PHACTR1: variants seen among roughly 807,000 people sequenced by gnomAD.
PHACTR1 encodes the protein RPEL repeat containing 1.
A neutral mutation model predicts 69.2 loss-of-function variants in PHACTR1; 16 were observed. That is an observed-to-expected ratio of 0.23 (90% CI 0.16 to 0.35). The LOEUF is 0.35. Among genes scored for constraint, PHACTR1 ranks in the 10% least tolerant of loss-of-function variants. The pLI is 1.00. For missense variants in PHACTR1, 510 were observed against 734.7 expected, an observed-to-expected ratio of 0.69 and a Z score of 3.54; for synonymous variants, 312 against 284.5, an observed-to-expected ratio of 1.10 and a Z score of -0.97.
At chr6:12,765,897 A>G (rs1374357019) in intron 4 of PHACTR1, among the ~76,000 whole-genome samples, 1 of 152,244 alleles carries the variant, frequency 6.6e-6, no homozygotes, top group Non-Finnish European at 1.5e-5. Context: ...TTTAACATGC[A>G]ATTCTTGCAA....
At chr6:13,241,492 G>A (rs892660620) in intron 10 of PHACTR1, among the ~76,000 whole-genome samples, 3 of 152,126 alleles carry the variant, frequency 2.0e-5, no homozygotes, top group African/African-American at 7.2e-5. Flanking sequence ...AGAAGCAATG[G>A]GCTAGTAAGA....
At chr6:12,814,481 G>T (rs1054108062) in intron 4 of PHACTR1, among the ~76,000 whole-genome samples, 3 of 152,186 alleles carry the variant, frequency 2.0e-5, no homozygotes, top group Admixed American at 6.5e-5. Context: ...TCTGGAAAGC[G>T]CACTGAATTG....
chr6:12,831,059 A>G (rs758846699), intron 4 of PHACTR1, among the ~76,000 whole-genome samples: 3 of 152,192 alleles, frequency 2.0e-5, no homozygotes, highest in Admixed American at 6.5e-5. Context: ...CCAGAAACCT[A>G]CAACATACAA....
In PHACTR1 at chr6:13,132,943, T is replaced by C. The variant is rs1266720210; in HGVS notation, c.416-27261T>C. Among the ~76,000 whole-genome samples the C allele has an allele frequency of 5.9e-5, 9 of 152,292 alleles. 1 individual carries two copies. The East Asian group carries it at 1.7e-3, about 29-fold the overall frequency. ...TGAACGATTTTTTGGCACTATGTGA[T>C]GCTGTTTGATAGCATTTTACCCACA... On this transcript the variant is annotated intron_variant, in intron 5 of 14. Transcript: ENST00000332995.
At chr6:12,816,904 C>G (rs1177994407) in intron 4 of PHACTR1, among the ~76,000 whole-genome samples, 1 of 151,802 alleles carries the variant, frequency 6.6e-6, no homozygotes. Flanking sequence ...GGTCTAGCCA[C>G]AAAGAAAGGA....
chr6:13,016,151 G>A (rs573688129), intron 4 of PHACTR1, among the ~76,000 whole-genome samples: 5 of 152,300 alleles, frequency 3.3e-5, no homozygotes, highest in Admixed American at 2.0e-4. Context: ...CTCTGGAAGC[G>A]ATTTGCAATT....
At chr6:13,273,251 G>A (rs557147004) in intron 11 of PHACTR1, 2 of 269,328 alleles carry the variant, frequency 7.4e-6, no homozygotes, top group Non-Finnish European at 1.4e-5. Context: ...ACCAGAATTG[G>A]CTTGAAAATG....
In PHACTR1 at chr6:13,179,488, T is replaced by C. The variant is rs1018252088; in HGVS notation, c.497-3031T>C. Among the ~76,000 whole-genome samples the C allele has an allele frequency of 4.6e-5, 7 of 151,492 alleles. No homozygotes were observed. The East Asian group carries it at 1.2e-3, about 25-fold the overall frequency. ...AAAAATTTAAAATATTACTTAAAAG[T>C]GGCAGTATTACTCCATCCTTAAATG... On this transcript the variant is annotated intron_variant, in intron 6 of 14. Transcript: ENST00000332995. The surrounding 1 kb of genome is among the most constrained non-coding windows in gnomAD (Gnocchi z 4.2).
At chr6:13,096,816 G>C (rs1248019131) in intron 5 of PHACTR1, among the ~76,000 whole-genome samples, 11 of 152,322 alleles carry the variant, frequency 7.2e-5, no homozygotes, top group Non-Finnish European at 1.2e-4. Flanking sequence ...ATAACAAGGA[G>C]AGATTGGATC....
At chr6:13,226,366 A>G (rs1340074474) in intron 8 of PHACTR1, among the ~76,000 whole-genome samples, 1 of 152,230 alleles carries the variant, frequency 6.6e-6, no homozygotes, top group Admixed American at 6.5e-5. Context: ...ATGCATTCAT[A>G]TGTCATAAGT....
intron 4 of PHACTR1, among the ~76,000 whole-genome samples, chr6:13,039,831 G>A (rs1212853418): frequency 2.0e-5 from 3 of 152,152 alleles, no homozygotes; most frequent in Admixed American, 6.5e-5. Flanking sequence ...AGTAAATGAA[G>A]TTTCTTTTCC....
rs897946868 is a variant in PHACTR1, at chr6:12,786,859, C to T, written c.250+37069C>T. On this transcript the variant is annotated intron_variant, in intron 4 of 14. Transcript: ENST00000332995. ...ATCTATAAAATTACATATTTCATAA[C>T]TCCTGGTTAAATCACTGATAGTAGT... is the stretch of plus-strand genomic sequence containing the variant. 3.9e-5 allele frequency among the ~76,000 whole-genome samples: 6 copies of T among 152,338 alleles called. No homozygotes were observed. The South Asian group carries it at 6.2e-4, about 16-fold the overall frequency.
At chr6:12,963,786 G>A (rs539490505) in intron 4 of PHACTR1, among the ~76,000 whole-genome samples, 13 of 152,302 alleles carry the variant, frequency 8.5e-5, no homozygotes, top group South Asian at 4.1e-4. Flanking sequence ...CAGTGAACTC[G>A]CCAAGTGTGA....
chr6:12,967,567 G>A (rs1280216489), intron 4 of PHACTR1, among the ~76,000 whole-genome samples: 1 of 152,224 alleles, frequency 6.6e-6, no homozygotes, highest in Non-Finnish European at 1.5e-5. Flanking sequence ...TATATACTCA[G>A]TCAACTGTAA....
Position 13,025,664 on chromosome 6 carries a change from A to G in PHACTR1, c.251-27701A>G, listed in dbSNP as rs112331162. On this transcript the variant is annotated intron_variant, in intron 4 of 14. Transcript: ENST00000332995. ...AGTCAGGCATAACCAGATAAGTCAT[A>G]TATTATTTGTGTGTGTGTGTGTGTG... Among the ~76,000 whole-genome samples the G allele has an allele frequency of 5.5e-3, 675 of 123,002 alleles. 3 individuals carry two copies. The highest frequency in any genetic ancestry group is 8.9e-3 in the Non-Finnish European group (534 of 60,018). The allele number at this position is 123,002 out of a possible 152,430, so 80.7% of individuals were successfully genotyped here.
intron 4 of PHACTR1, among the ~76,000 whole-genome samples, chr6:12,956,361 A>C (rs1791896836): frequency 6.6e-6 from 1 of 151,994 alleles, no homozygotes; most frequent in African/African-American, 2.4e-5. Flanking sequence ...CTTAAGTTCC[A>C]CTCATGGGTC....
At chr6:12,978,516 T>C (rs1795148700) in intron 4 of PHACTR1, among the ~76,000 whole-genome samples, 1 of 152,194 alleles carries the variant, frequency 6.6e-6, no homozygotes, top group Non-Finnish European at 1.5e-5. Context: ...TTTAAGACTT[T>C]GCTCCCAAGA....
At chr6:13,286,348 AAGGC>A in intron 14 of PHACTR1, 126 bp downstream of exon 14, 2 of 757,352 alleles carry the variant, frequency 2.6e-6, no homozygotes, top group Admixed American at 3.5e-5. Flanking sequence ...AGATAGTAGG[AAGGC>A]AGGCATGCGG....
intron 4 of PHACTR1, among the ~76,000 whole-genome samples, chr6:12,993,555 A>G (rs578019563): frequency 5.9e-5 from 9 of 152,344 alleles, no homozygotes; most frequent in African/African-American, 1.9e-4. Context: ...GCTTCAGGCG[A>G]GAGCTAAGAC....
Sources: allele counts gnomAD v4.1 joint callset (sites outside exome capture counted in the v4.1 genomes callset), GRCh38; gene constraint gnomAD v4.1.1; non-coding constraint Gnocchi (gnomAD v3.1); transcripts MANE v1.5; gene names NCBI Gene and HGNC (gene_info 2026-07-23, HGNC 2026-07-21).